The following ROBO2 variants were observed in gnomAD, a reference collection of about 807,000 sequenced individuals.
ROBO2 encodes the protein roundabout guidance receptor 2, also known as roundabout homolog 2.
In ROBO2, 53 loss-of-function variants were observed where a neutral mutation model predicts 160.8. The ratio of observed to expected loss-of-function variants is 0.33; its 90% CI spans 0.26 to 0.41. The LOEUF (loss-of-function observed/expected upper bound fraction) is 0.41, where lower values mean the gene tolerates loss of function less well. ROBO2 is among the 10% of genes least tolerant of loss of function. ROBO2 has a pLI of 1.00. For missense variants in ROBO2, 1,577 were observed against 1,722.4 expected, an observed-to-expected ratio of 0.92 and a Z score of 1.49; for synonymous variants, 664 against 611.7, an observed-to-expected ratio of 1.09 and a Z score of -1.26.
intron 2 of ROBO2, among the ~76,000 whole-genome samples, chr3:77,289,324 C>A (rs565555144): frequency 2.0e-5 from 3 of 151,982 alleles, no homozygotes; most frequent in East Asian, 1.9e-4. Context: ...GGCTAGAGCA[C>A]CAAAGACATA....
At chr3:76,770,739 A>T (rs528953497) in intron 2 of ROBO2, among the ~76,000 whole-genome samples, 1 of 151,486 alleles carries the variant, frequency 6.6e-6, no homozygotes, top group South Asian at 2.1e-4. Context: ...TATTTTTCAA[A>T]GGACCATAAG....
chr3:76,748,238 T>C (rs1282421497), intron 2 of ROBO2, among the ~76,000 whole-genome samples: 1 of 151,956 alleles, frequency 6.6e-6, no homozygotes, highest in Non-Finnish European at 1.5e-5. Flanking sequence ...TTGGGTTTTG[T>C]CCCTCTCTCA....
At chr3:77,593,172 ACT>A (rs1402601371) in intron 17 of ROBO2, among the ~76,000 whole-genome samples, 1 of 151,604 alleles carries the variant, frequency 6.6e-6, no homozygotes, top group Non-Finnish European at 1.5e-5. Context: ...CATTATCTTA[ACT>A]CTCTTTTAAC....
At chr3:76,826,342 G>A (rs1418149912) in intron 2 of ROBO2, among the ~76,000 whole-genome samples, 1 of 152,076 alleles carries the variant, frequency 6.6e-6, no homozygotes, top group African/African-American at 2.4e-5. Flanking sequence ...ACAGTTTCAG[G>A]TTGTAGGTGC....
At chr3:77,438,541 C>G (rs1202580355) in intron 2 of ROBO2, among the ~76,000 whole-genome samples, 2 of 71,582 alleles carry the variant, frequency 2.8e-5, no homozygotes, top group South Asian at 8.8e-4. Flanking sequence ...GAAGGGGATA[C>G]ACACACACAC....
At chr3:76,253,879 C>T (rs577830730) in intron 2 of ROBO2, among the ~76,000 whole-genome samples, 1 of 151,606 alleles carries the variant, frequency 6.6e-6, no homozygotes, top group African/African-American at 2.4e-5. Context: ...ATGCTTCACT[C>T]TCAGGAGAAC....
chr3:76,713,108 A>T (rs1260325409), intron 2 of ROBO2, among the ~76,000 whole-genome samples: 2 of 152,198 alleles, frequency 1.3e-5, no homozygotes, highest in South Asian at 2.1e-4. Flanking sequence ...GCTACTTTCT[A>T]ACATCATATT....
chr3:76,979,252 GT>G (rs555756159), intron 2 of ROBO2, among the ~76,000 whole-genome samples: 5 of 151,860 alleles, frequency 3.3e-5, no homozygotes, highest in Non-Finnish European at 1.5e-5. Flanking sequence ...CCCAAGTGTA[GT>G]TTTTTTTACT....
At chr3:77,415,665 C>T (rs985529087) in intron 2 of ROBO2, among the ~76,000 whole-genome samples, 1 of 152,122 alleles carries the variant, frequency 6.6e-6, no homozygotes, top group Non-Finnish European at 1.5e-5. Context: ...TCTTTGCACT[C>T]AGTGGCTGAG....
In ROBO2 at chr3:76,264,931, A is replaced by T. The variant is rs191669025; in HGVS notation, c.109+327329A>T. 2.6e-5 allele frequency among the ~76,000 whole-genome samples: 4 copies of T among 152,272 alleles called. No homozygotes were observed. The East Asian group carries it at 7.7e-4, about 29-fold the overall frequency. ...ATGATACTTAATGTCTTCTCTATAT[A>T]CTTTCCTCCCCATGCAGTTTTTTTC... On this transcript the variant is annotated intron_variant, in intron 2 of 26. Coordinates refer to the ROBO2 transcript ENST00000487694.
chr3:76,615,670 G>C (rs1210984958), intron 2 of ROBO2, among the ~76,000 whole-genome samples: 1 of 152,174 alleles, frequency 6.6e-6, no homozygotes, highest in African/African-American at 2.4e-5. Context: ...AATAAATACA[G>C]TTACATAGTT....
At chr3:76,533,666 G>A (rs1018271298) in intron 2 of ROBO2, among the ~76,000 whole-genome samples, 5 of 152,156 alleles carry the variant, frequency 3.3e-5, no homozygotes, top group Admixed American at 6.6e-5. Flanking sequence ...GGCTGAGTCC[G>A]AAAAGAGAGT....
intron 1 of ROBO2, among the ~76,000 whole-genome samples, chr3:75,935,014 G>T (rs201238014): frequency 6.6e-6 from 1 of 152,152 alleles, no homozygotes; most frequent in African/African-American, 2.4e-5. Context: ...AGAGAACAAA[G>T]TTCTGCAAGT....
intron 2 of ROBO2, among the ~76,000 whole-genome samples, chr3:76,506,457 T>A (rs1161402646): frequency 6.6e-6 from 1 of 152,184 alleles, no homozygotes; most frequent in African/African-American, 2.4e-5. Flanking sequence ...GGATATTAAT[T>A]TGTGCTGTTT....
chr3:77,233,802 T>C (rs1440797550), intron 2 of ROBO2, among the ~76,000 whole-genome samples: 1 of 152,188 alleles, frequency 6.6e-6, no homozygotes, highest in East Asian at 1.9e-4. Context: ...TGGTTTTCGC[T>C]CAAGAAAATA....
intron 2 of ROBO2, among the ~76,000 whole-genome samples, chr3:76,238,518 C>T (rs1310538722): frequency 2.0e-5 from 3 of 151,034 alleles, no homozygotes; most frequent in Admixed American, 2.0e-4. Context: ...TGGGGAAAAC[C>T]ACGGCCATGA....
intron 6 of ROBO2, among the ~76,000 whole-genome samples, chr3:77,523,612 C>G (rs772664010): frequency 6.6e-6 from 1 of 151,340 alleles, no homozygotes; most frequent in Non-Finnish European, 1.5e-5. Context: ...AATAAATTAA[C>G]TGTCTTTTCA....
At chr3:76,103,131 C>T (rs2069773099) in intron 2 of ROBO2, among the ~76,000 whole-genome samples, 1 of 152,096 alleles carries the variant, frequency 6.6e-6, no homozygotes, top group African/African-American at 2.4e-5. Flanking sequence ...CCAGACCTGA[C>T]CATGTTTAAA....
At chr3:76,128,016 C>T (rs932698512) in intron 2 of ROBO2, among the ~76,000 whole-genome samples, 2 of 151,240 alleles carry the variant, frequency 1.3e-5, no homozygotes, top group Non-Finnish European at 2.9e-5. Flanking sequence ...CTGCCTCAGC[C>T]TCCTGAGTAG....
Sources: gnomAD v4.1 joint callset for allele counts (sites outside exome capture counted in the v4.1 genomes callset) on GRCh38, gnomAD v4.1.1 for gene constraint, MANE v1.5 for transcripts, NCBI Gene and HGNC (gene_info 2026-07-23, HGNC 2026-07-21) for gene names.